Variants in PLEKHA8 observed in about 807,000 individuals in gnomAD.
The protein encoded by PLEKHA8 is pleckstrin homology domain containing A8, also known as pleckstrin homology domain-containing family A member 8.
A neutral mutation model predicts 68.2 loss-of-function variants in PLEKHA8; 36 were observed. That is an observed-to-expected ratio of 0.53 (90% CI 0.40 to 0.70). The LOEUF (loss-of-function observed/expected upper bound fraction) is 0.70, where lower values mean the gene tolerates loss of function less well. Ranked by LOEUF, PLEKHA8 falls within the 30% of genes least tolerant of loss-of-function variation. PLEKHA8 has a pLI of 0.00. For missense variants in PLEKHA8, 505 were observed against 615.4 expected, an observed-to-expected ratio of 0.82 and a Z score of 1.90; for synonymous variants, 211 against 216.1, an observed-to-expected ratio of 0.98 and a Z score of 0.20.
At chr7:30,107,788 A>G (rs2128015310) in intron 13 of PLEKHA8, among the ~76,000 whole-genome samples, 1 of 152,102 alleles carries the variant, frequency 6.6e-6, no homozygotes, top group East Asian at 1.9e-4. Flanking sequence ...AAATTTTCTA[A>G]CTGGGCATGG....
Position 30,121,560 on chromosome 7 carries a change from C to T in PLEKHA8, c.1363-7706C>T, listed in dbSNP as rs139874901. Among the ~76,000 whole-genome samples, 81 of 152,112 alleles carry T rather than the reference C, an allele frequency of 5.3e-4. 2 individuals carry two copies. In the East Asian group the frequency reaches 9.3e-3, roughly 17 times the overall value. ...AGGAGAATCGCTTGAACCCAGAAGG[C>T]GGAGGTTGCAGTGAGCAGAGATTGC... On this transcript the variant is annotated intron_variant, in intron 13 of 13. Coordinates refer to the PLEKHA8 transcript ENST00000396257.
chr7:30,056,742 AGTGTGT>A (rs70980590), intron 9 of PLEKHA8, among the ~76,000 whole-genome samples: 5,513 of 74,576 alleles, frequency 0.074, 474 homozygotes, highest in East Asian at 0.15. Context: ...AAAAAAAAAA[AGTGTGT>A]GTGTGTGTGT....
At chr7:30,121,719 C>T (rs1197022311) in intron 13 of PLEKHA8, among the ~76,000 whole-genome samples, 2 of 152,170 alleles carry the variant, frequency 1.3e-5, no homozygotes, top group African/African-American at 4.8e-5. Context: ...CTTTGTATCT[C>T]TGCCCAGAGG....
intron 9 of PLEKHA8, among the ~76,000 whole-genome samples, chr7:30,060,298 G>A (rs1198643779): frequency 6.6e-6 from 1 of 151,888 alleles, no homozygotes; most frequent in Non-Finnish European, 1.5e-5. Context: ...AAAATTAGCT[G>A]GGCGTGGTGG....
At chr7:30,056,714 CA>C (rs1167102615) in intron 9 of PLEKHA8, among the ~76,000 whole-genome samples, 1 of 98,782 alleles carries the variant, frequency 1.0e-5, no homozygotes, top group Non-Finnish European at 1.9e-5. Context: ...GGATGACAGA[CA>C]GCCTGTCTCA....
At chr7:30,033,931 T>C (rs1027916929) in intron 1 of PLEKHA8, among the ~76,000 whole-genome samples, 1 of 152,024 alleles carries the variant, frequency 6.6e-6, no homozygotes, top group Non-Finnish European at 1.5e-5. Flanking sequence ...TATCCATTTG[T>C]ATATCTATTT....
intron 13 of PLEKHA8, among the ~76,000 whole-genome samples, chr7:30,100,384 C>T (rs1291993944): frequency 6.6e-6 from 1 of 151,986 alleles, no homozygotes; most frequent in African/African-American, 2.4e-5. Flanking sequence ...AACCCTGTCT[C>T]TACTAAAATT....
chr7:30,109,603 A>AAG (rs1796197505), intron 13 of PLEKHA8, among the ~76,000 whole-genome samples: 1 of 142,968 alleles, frequency 7.0e-6, no homozygotes, highest in African/African-American at 2.6e-5. Context: ...AAAAAAAAAA[A>AAG]AAAAAAAAAA....
intron 13 of PLEKHA8, among the ~76,000 whole-genome samples, chr7:30,127,320 C>T (rs562239306): frequency 7.2e-5 from 11 of 152,204 alleles, no homozygotes; most frequent in African/African-American, 2.6e-4. Flanking sequence ...CCCGTCAGGC[C>T]AGAAACTCAA....
Position 30,080,940 on chromosome 7 carries a change from G to A in PLEKHA8, c.*2153G>A, listed in dbSNP as rs1311777763. ...ACCAGGTGGTTGTTAGAATTGTGCA[G>A]TGTGATCATTCTAAACAGCTGCTGG... is the stretch of plus-strand genomic sequence containing the variant. On this transcript the variant is annotated 3_prime_UTR_variant, in exon 14 of 14. Transcript: ENST00000449726. The A allele has an allele frequency of 2.0e-6, 2 of 985,290 alleles. No homozygotes were observed. Among genetic ancestry groups the A allele is most frequent in the African/African-American group, 3.5e-5 (2 of 57,240 alleles). 61.0% of individuals were successfully genotyped at this position (985,290 alleles called of 1,614,324 possible). A position where few individuals can be genotyped will look rare whatever the true frequency, so the allele number is the denominator to read the frequency against.
rs1027217595 is a variant in PLEKHA8 at position 30,090,151 on chromosome 7, A to T, written c.1301-2A>T. 8 of 1,550,744 alleles carry T rather than the reference A, an allele frequency of 5.2e-6. No individual in the cohort carries two copies. Among genetic ancestry groups the T allele is most frequent in the Non-Finnish European group, 7.0e-6 (8 of 1,146,396 alleles). On this transcript the variant is annotated splice_acceptor_variant, in intron 12 of 12. Transcript: ENST00000258679. LOFTEE classifies it high-confidence loss of function. ...AGATTAAAAGAGTGCACTATGTTGTAGGAAATCCAACAGAAAACACTTGAC... is the reference window on the plus strand; with the variant it reads ...AGATTAAAAGAGTGCACTATGTTGTTGGAAATCCAACAGAAAACACTTGAC...
At position 30,041,511 on chromosome 7, in the gene PLEKHA8, C is replaced by G. The variant is rs191791346; in HGVS notation, c.41-3574C>G. On this transcript the variant is annotated intron_variant, in intron 1 of 13. Coordinates refer to ENST00000449726, the MANE Select transcript of PLEKHA8 (RefSeq NM_001197026.2). ...CATAGCTCACTGTAGTCTCGAACTC[C>G]TAGGCTCAAGCAGTCCTCCTGCCTC... 1.2e-3 allele frequency among the ~76,000 whole-genome samples: 180 copies of G among 150,596 alleles called. 1 individual carries two copies. Among genetic ancestry groups the G allele is most frequent in the African/African-American group, 4.2e-3 (174 of 41,010 alleles).
intron 13 of PLEKHA8, among the ~76,000 whole-genome samples, chr7:30,100,396 CA>C (rs569490686): frequency 3.0e-4 from 45 of 151,808 alleles, no homozygotes; most frequent in Non-Finnish European, 5.7e-4. Flanking sequence ...ACTAAAATTA[CA>C]AAAAATTAGC....
chr7:30,087,008 T>G (rs990577821), downstream of PLEKHA8, among the ~76,000 whole-genome samples: 1 of 152,200 alleles, frequency 6.6e-6, no homozygotes, highest in African/African-American at 2.4e-5. Flanking sequence ...CAGATCACGT[T>G]TGGGATGATT....
At chr7:30,066,342 G>A (rs1241588339) in intron 12 of PLEKHA8, among the ~76,000 whole-genome samples, 1 of 152,172 alleles carries the variant, frequency 6.6e-6, no homozygotes, top group Non-Finnish European at 1.5e-5. Flanking sequence ...TCTGGAAAAT[G>A]CATCTCTAGT....
At chr7:30,042,232 G>T (rs534165730) in intron 1 of PLEKHA8, among the ~76,000 whole-genome samples, 11 of 152,262 alleles carry the variant, frequency 7.2e-5, no homozygotes, top group African/African-American at 2.6e-4. Context: ...GCTGATTGCA[G>T]ATCTTGGGAC....
rs562530743 is a variant in PLEKHA8 at position 30,031,708 on chromosome 7, G to A, written c.40+2906G>A. ...AAGCTTACTCTGGCTTTAGCGTAGC[G>A]TAGAACATTTTCTGGTTACATCTTT... On this transcript the variant is annotated intron_variant, in intron 1 of 13. Transcript: ENST00000449726. 1.4e-4 allele frequency among the ~76,000 whole-genome samples: 22 copies of A among 152,314 alleles called. No individual in the cohort carries two copies. The South Asian group carries it at 1.5e-3, about 10-fold the overall frequency.
intron 12 of PLEKHA8, among the ~76,000 whole-genome samples, chr7:30,067,961 A>G (rs116992271): frequency 0.015 from 2,330 of 152,354 alleles, 26 homozygotes; most frequent in Non-Finnish European, 0.023. Context: ...TCTCTATCAT[A>G]TGGAAAATTA....
At chr7:30,057,459 CTTTTT>C (rs566104325) in intron 9 of PLEKHA8, among the ~76,000 whole-genome samples, 1 of 143,742 alleles carries the variant, frequency 7.0e-6, no homozygotes, top group African/African-American at 2.5e-5. Context: ...GTTTGGGACT[CTTTTT>C]TTTTTTTTCT....
Sources: allele counts gnomAD v4.1 joint callset (sites outside exome capture counted in the v4.1 genomes callset), GRCh38; gene constraint gnomAD v4.1.1; transcripts MANE v1.5; gene names NCBI Gene and HGNC (gene_info 2026-07-23, HGNC 2026-07-21).